Variants in QTMAN observed in about 807,000 individuals in gnomAD.
QTMAN encodes queuosine-tRNA mannosyltransferase.
the QTMAN span, among the ~76,000 whole-genome samples, chr2:144,242,162 A>T: frequency 2.6e-5 from 4 of 152,230 alleles, no homozygotes; most frequent in African/African-American, 9.6e-5. Context: ...ATTGTGACTC[A>T]GAATAAGAAG....
chr2:144,070,730 T>G, the QTMAN span, among the ~76,000 whole-genome samples: 1 of 152,174 alleles, frequency 6.6e-6, no homozygotes, highest in Admixed American at 6.5e-5. Flanking sequence ...CTATATAACA[T>G]GACTTTTGTT....
chr2:144,257,986 C>T, the QTMAN span, among the ~76,000 whole-genome samples: 5 of 151,600 alleles, frequency 3.3e-5, no homozygotes, highest in Non-Finnish European at 7.4e-5. Context: ...AAAGATAAGA[C>T]AACTAAAGGA....
chr2:144,324,730 G>A, the QTMAN span, among the ~76,000 whole-genome samples: 7 of 152,178 alleles, frequency 4.6e-5, no homozygotes, highest in African/African-American at 1.7e-4. Flanking sequence ...GAGGTGAAAA[G>A]GAAGCTGGTG....
At chr2:144,083,338 T>C in the QTMAN span, among the ~76,000 whole-genome samples, 3 of 152,192 alleles carry the variant, frequency 2.0e-5, no homozygotes, top group African/African-American at 7.2e-5. Context: ...CCATTCCTGC[T>C]GAGGGACCAG....
At chr2:144,233,454 GA>G in the QTMAN span, among the ~76,000 whole-genome samples, 2 of 152,188 alleles carry the variant, frequency 1.3e-5, no homozygotes, top group Non-Finnish European at 2.9e-5. Context: ...AGGAAGAGAA[GA>G]GGGGGAAATA....
chr2:144,126,012 G>A, the QTMAN span, among the ~76,000 whole-genome samples: 2 of 151,950 alleles, frequency 1.3e-5, no homozygotes, highest in Admixed American at 6.6e-5. Context: ...AGAGATCAAG[G>A]ATAAATACAA....
chr2:143,947,002 G>T, the QTMAN span: 1 of 1,312,846 alleles, frequency 7.6e-7, no homozygotes, highest in Non-Finnish European at 1.1e-6. Context: ...ACTCTGGAAA[G>T]TTCTTCAGAT....
the QTMAN span, among the ~76,000 whole-genome samples, chr2:144,155,986 T>C: frequency 6.0e-4 from 92 of 152,276 alleles, no homozygotes; most frequent in African/African-American, 2.1e-3. Flanking sequence ...TACTGAGTCC[T>C]ATCTACTGAT....
chr2:144,144,531 T>C, the QTMAN span, among the ~76,000 whole-genome samples: 3 of 151,976 alleles, frequency 2.0e-5, no homozygotes, highest in African/African-American at 7.2e-5. Context: ...TTAAAACATA[T>C]TTTCCTTCTC....
chr2:144,011,639 G>GCA, the QTMAN span: 5 of 673,406 alleles, frequency 7.4e-6, no homozygotes, highest in African/African-American at 9.7e-5. Flanking sequence ...TTCTATGCTA[G>GCA]TAAAAAAAAA....
chr2:143,949,073 G>C, the QTMAN span, among the ~76,000 whole-genome samples: 1 of 151,902 alleles, frequency 6.6e-6, no homozygotes, highest in Non-Finnish European at 1.5e-5. Context: ...TTTAATTTTT[G>C]CATGTATTGG....
the QTMAN span, among the ~76,000 whole-genome samples, chr2:144,133,477 A>ATT: frequency 2.5e-5 from 2 of 81,160 alleles, no homozygotes; most frequent in Non-Finnish European, 4.4e-5. Context: ...TATATTATAT[A>ATT]ATATATAAAA....
chr2:144,282,306 A>G, the QTMAN span, among the ~76,000 whole-genome samples: 1 of 151,766 alleles, frequency 6.6e-6, no homozygotes, highest in Non-Finnish European at 1.5e-5. Flanking sequence ...ACTAAACTAG[A>G]GCAACACTTA....
the QTMAN span, among the ~76,000 whole-genome samples, chr2:144,330,602 C>A: frequency 6.6e-6 from 1 of 152,204 alleles, no homozygotes; most frequent in Non-Finnish European, 1.5e-5. Flanking sequence ...AATGTAAATA[C>A]TTCCTAACTA....
the QTMAN span, among the ~76,000 whole-genome samples, chr2:144,319,516 T>C: frequency 6.6e-6 from 1 of 152,116 alleles, no homozygotes; most frequent in South Asian, 2.1e-4. Context: ...AGCTCAAATT[T>C]ACTTCAACCA....
At chr2:144,160,845 G>A in the QTMAN span, among the ~76,000 whole-genome samples, 2 of 152,080 alleles carry the variant, frequency 1.3e-5, no homozygotes, top group African/African-American at 4.8e-5. Flanking sequence ...CACACAACTG[G>A]TACGTAAAAT....
the QTMAN span, chr2:143,947,233 C>T: frequency 1.2e-6 from 1 of 840,998 alleles, no homozygotes; most frequent in Non-Finnish European, 2.0e-6. Context: ...ATTTGCATCA[C>T]TTACGTCAAT....
At chr2:144,326,235 T>C in the QTMAN span, among the ~76,000 whole-genome samples, 1 of 152,224 alleles carries the variant, frequency 6.6e-6, no homozygotes, top group Admixed American at 6.5e-5. Context: ...TTCTTCTTAA[T>C]TAAATGTCCT....
the QTMAN span, among the ~76,000 whole-genome samples, chr2:144,069,036 C>T: frequency 2.0e-5 from 3 of 152,102 alleles, no homozygotes; most frequent in East Asian, 5.8e-4. Context: ...TTTTTAACCC[C>T]TCTTTTTCAC....
Sources: allele counts gnomAD v4.1 joint callset (sites outside exome capture counted in the v4.1 genomes callset), GRCh38; gene constraint gnomAD v4.1.1; transcripts MANE v1.5; gene names NCBI Gene and HGNC (gene_info 2026-07-23, HGNC 2026-07-21).